MITF: variants seen among roughly 807,000 people sequenced by gnomAD.
MITF encodes melanocyte inducing transcription factor.
A neutral mutation model predicts 60.5 loss-of-function variants in MITF; 17 were observed. That is an observed-to-expected ratio of 0.28 (90% confidence interval 0.19 to 0.42). MITF has a LOEUF of 0.42. Ranked by LOEUF, MITF falls within the 10% of genes least tolerant of loss-of-function variation. The pLI is 1.00. For synonymous variants in MITF, 260 were observed against 248.5 expected, an observed-to-expected ratio of 1.05 and a Z score of -0.43; for missense variants, 622 against 683.5, an observed-to-expected ratio of 0.91 and a Z score of 1.00.
At chr3:69,876,185 A>G (rs1292982001) in intron 1 of MITF, among the ~76,000 whole-genome samples, 1 of 152,180 alleles carries the variant, frequency 6.6e-6, no homozygotes, top group African/African-American at 2.4e-5. Context: ...TGTCTTAAGA[A>G]TGCTTTACTG....
chr3:69,920,013 C>A (rs2065426984), intron 2 of MITF, among the ~76,000 whole-genome samples: 1 of 152,088 alleles, frequency 6.6e-6, no homozygotes, highest in Non-Finnish European at 1.5e-5. Context: ...TATCATTAAT[C>A]ATTAGTTTGT....
chr3:69,865,555 A>G (rs2064097512), intron 1 of MITF, among the ~76,000 whole-genome samples: 1 of 152,198 alleles, frequency 6.6e-6, no homozygotes, highest in South Asian at 2.1e-4. Context: ...AGATTGGATG[A>G]CAGTCTTAAG....
intron 2 of MITF, among the ~76,000 whole-genome samples, chr3:69,897,069 G>A (rs944556893): frequency 6.6e-6 from 1 of 152,164 alleles, no homozygotes; most frequent in Non-Finnish European, 1.5e-5. Flanking sequence ...GTAGGACTAG[G>A]AGGGTATTGG....
intron 2 of MITF, among the ~76,000 whole-genome samples, chr3:69,915,994 C>T (rs1258627053): frequency 1.3e-5 from 2 of 152,094 alleles, no homozygotes; most frequent in African/African-American, 4.8e-5. Context: ...ATTCTGCAGC[C>T]AAAGCAATTG....
chr3:69,781,983 CA>C (rs2062572815), intron 1 of MITF, among the ~76,000 whole-genome samples: 1 of 152,064 alleles, frequency 6.6e-6, no homozygotes, highest in South Asian at 2.1e-4. Context: ...CAGACACTAA[CA>C]CAGTTCATTG....
intron 2 of MITF, among the ~76,000 whole-genome samples, chr3:69,923,732 C>A (rs1035784446): frequency 5.9e-5 from 9 of 152,342 alleles, no homozygotes; most frequent in Admixed American, 5.2e-4. Flanking sequence ...AGTCTATCCT[C>A]TTCCTCTTTA....
At chr3:69,934,376 T>C (rs2065786635) in intron 2 of MITF, among the ~76,000 whole-genome samples, 1 of 152,216 alleles carries the variant, frequency 6.6e-6, no homozygotes, top group Non-Finnish European at 1.5e-5. Flanking sequence ...ATTCTCAATT[T>C]TAATTTCTAA....
At chr3:69,781,469 A>G (rs2062562953) in intron 1 of MITF, among the ~76,000 whole-genome samples, 1 of 152,144 alleles carries the variant, frequency 6.6e-6, no homozygotes, top group South Asian at 2.1e-4. Flanking sequence ...GCCCCTTGTT[A>G]TGATTGTAAA....
At chr3:69,769,978 G>A (rs553349741) in intron 1 of MITF, among the ~76,000 whole-genome samples, 1 of 152,258 alleles carries the variant, frequency 6.6e-6, no homozygotes, top group East Asian at 1.9e-4. Flanking sequence ...TGGGCATTCT[G>A]TATTTGCTAA....
intron 6 of MITF, 30 bp from the exon 7 acceptor site, chr3:69,951,782 A>G: frequency 1.3e-6 from 2 of 1,587,732 alleles, no homozygotes; most frequent in Non-Finnish European, 1.7e-6. Context: ...AAACAGTTCC[A>G]ACTTCTAATG....
chr3:69,956,153 G>A (rs1351537450), intron 7 of MITF, among the ~76,000 whole-genome samples: 1 of 152,136 alleles, frequency 6.6e-6, no homozygotes, highest in African/African-American at 2.4e-5. Flanking sequence ...TCCTCGCCAA[G>A]TCCCTAATAA....
chr3:69,915,410 A>G (rs1575952908), intron 2 of MITF, among the ~76,000 whole-genome samples: 1 of 152,178 alleles, frequency 6.6e-6, no homozygotes, highest in Non-Finnish European at 1.5e-5. Context: ...ATCATACCAC[A>G]CAATTCTTGT....
rs545635351 is a variant in MITF, at chr3:69,844,848, A to G, written c.105-34286A>G. Among the ~76,000 whole-genome samples the G allele has an allele frequency of 1.4e-4, 21 of 152,316 alleles. No homozygotes were observed. In the South Asian group the frequency reaches 1.7e-3, roughly 12 times the overall value. ...AATTTCACACAAGTGTGTTTGAATTACTAGCATTTACTGAAAAATCAGATC... is the reference window on the plus strand; with the variant it reads ...AATTTCACACAAGTGTGTTTGAATTGCTAGCATTTACTGAAAAATCAGATC... On this transcript the variant is annotated intron_variant, in intron 1 of 9. Coordinates refer to ENST00000352241, the MANE Select transcript of MITF (RefSeq NM_001354604.2).
chr3:69,819,039 T>C (rs956530804), intron 1 of MITF, among the ~76,000 whole-genome samples: 1 of 152,192 alleles, frequency 6.6e-6, no homozygotes, highest in Non-Finnish European at 1.5e-5. Flanking sequence ...AAAACTTTAA[T>C]AAGATTCACC....
chr3:69,874,681 A>G (rs2064313676), intron 1 of MITF, among the ~76,000 whole-genome samples: 1 of 152,230 alleles, frequency 6.6e-6, no homozygotes, highest in African/African-American at 2.4e-5. Flanking sequence ...ACTGATGACC[A>G]GAGTACTGTC....
At chr3:69,903,918 G>A (rs573163592) in intron 2 of MITF, among the ~76,000 whole-genome samples, 15 of 152,134 alleles carry the variant, frequency 9.9e-5, no homozygotes, top group Admixed American at 2.6e-4. Flanking sequence ...TGTTTTTCCC[G>A]TTGGCAAAAA....
chr3:69,923,310 G>A (rs1406065357), intron 2 of MITF, among the ~76,000 whole-genome samples: 1 of 152,136 alleles, frequency 6.6e-6, no homozygotes, highest in Non-Finnish European at 1.5e-5. Context: ...AAAACTTTCA[G>A]AAAAACTACC....
Position 69,755,542 on chromosome 3 carries a change from C to T in MITF, c.104+15841C>T, listed in dbSNP as rs568188409. On this transcript the variant is annotated intron_variant, in intron 1 of 9. Coordinates refer to ENST00000352241, the MANE Select transcript of MITF (RefSeq NM_001354604.2). ...TCAAGGGTTTTTTCTTTCCCCGACACGAATATGATAGTTTGCTTTTCTTGA... is the reference window on the plus strand; with the variant it reads ...TCAAGGGTTTTTTCTTTCCCCGACATGAATATGATAGTTTGCTTTTCTTGA... Among the ~76,000 whole-genome samples, 33 of 135,474 alleles carry T rather than the reference C, an allele frequency of 2.4e-4. 1 individual carries two copies. Among genetic ancestry groups the T allele is most frequent in the Non-Finnish European group, 3.2e-4 (21 of 65,392 alleles). 88.9% of individuals were successfully genotyped at this position (135,474 alleles called of 152,430 possible).
intron 1 of MITF, among the ~76,000 whole-genome samples, chr3:69,850,004 G>GT (rs1384621060): frequency 6.6e-6 from 1 of 152,164 alleles, no homozygotes; most frequent in Non-Finnish European, 1.5e-5. Flanking sequence ...AGTCAATCGA[G>GT]TTTTTTGTGT....
Sources: allele counts gnomAD v4.1 joint callset (sites outside exome capture counted in the v4.1 genomes callset), GRCh38; gene constraint gnomAD v4.1.1; transcripts MANE v1.5; gene names NCBI Gene and HGNC (gene_info 2026-07-23, HGNC 2026-07-21).